ATP1A1: variants seen among roughly 807,000 people sequenced by gnomAD.
The protein encoded by ATP1A1 is ATPase Na+/K+ transporting subunit alpha 1, also known as sodium/potassium-transporting ATPase subunit alpha-1.
ATP1A1 carries 14 observed loss-of-function variants against 114.8 expected under a neutral mutation model. The ratio of observed to expected loss-of-function variants is 0.12; its 90% confidence interval spans 0.08 to 0.19. The LOEUF (loss-of-function observed/expected upper bound fraction) is 0.19, where lower values mean the gene tolerates loss of function less well. ATP1A1 is among the 10% of genes least tolerant of loss of function. ATP1A1 has a pLI of 1.00. For missense variants in ATP1A1, 524 were observed against 1,290.7 expected (o/e 0.41, Z 9.10); for synonymous variants, 471 against 466.3 (o/e 1.01, Z -0.13).
rs2101059337 is a variant in ATP1A1, at chr1:116,397,487, T to C, written c.1974-401T>C. ...GGCCCCAACCACCATGCCCGGCTAA[T>C]TTTTGAATTTTTAGACCACCATTTT... On this transcript the variant is annotated intron_variant, in intron 14 of 22. Transcript: ENST00000295598. This position sits in a 1 kb window ranked among gnomAD's most constrained non-coding sequence, Gnocchi z 4.2. Among the ~76,000 whole-genome samples the C allele has an allele frequency of 6.6e-6, 1 of 152,140 alleles. No homozygotes were observed. Among genetic ancestry groups the C allele is most frequent in the African/African-American group, 2.4e-5 (1 of 41,514 alleles).
At chr1:116,403,514 A>T (rs1478398211) in intron 21 of ATP1A1, among the ~76,000 whole-genome samples, 5 of 129,182 alleles carry the variant, frequency 3.9e-5, no homozygotes, top group Admixed American at 3.5e-4. Flanking sequence ...GATGGTCTTA[A>T]AAAGCTTCTT....
At chr1:116,373,605 A>G in intron 1 of ATP1A1, 82 bp downstream of exon 1, 1 of 1,279,730 alleles carries the variant, frequency 7.8e-7, no homozygotes, top group Non-Finnish European at 1.0e-6. Flanking sequence ...GACCGCGGCC[A>G]GCGGGAGGCG....
Position 116,388,117 on chromosome 1 carries a change from C to CT in ATP1A1, c.388-10dup. ...TGTAGAGCCACGGGCCCTAACTTGTCTTTTCCCTTCCAGCTGTACCTGGGT... is the reference window on the plus strand; with the variant it reads ...TGTAGAGCCACGGGCCCTAACTTGTCTTTTTCCCTTCCAGCTGTACCTGGGT... On this transcript the variant is annotated splice_polypyrimidine_tract_variant and intron_variant, in intron 4 of 22. Coordinates refer to ENST00000295598, the MANE Select transcript of ATP1A1 (RefSeq NM_000701.8). This position sits in a 1 kb window ranked among gnomAD's most constrained non-coding sequence, Gnocchi z 5.6. The CT allele has an allele frequency of 6.3e-7, 1 of 1,587,910 alleles. No individual in the cohort carries two copies. The highest frequency in any genetic ancestry group is 8.6e-7 in the Non-Finnish European group (1 of 1,160,716).
In ATP1A1 at chr1:116,388,456, T is replaced by C. The variant is rs958620074; in HGVS notation, c.502-182T>C. On this transcript the variant is annotated intron_variant, in intron 5 of 22. Coordinates refer to ENST00000295598, the MANE Select transcript of ATP1A1 (RefSeq NM_000701.8). The surrounding 1 kb of genome is among the most constrained non-coding windows in gnomAD (Gnocchi z 5.6). ...GTAAACTCTGAATACAGGCACACCA[T>C]GTAACAGCAATATCTCTTAAACTGG... 4.1e-6 allele frequency: 4 copies of C among 975,890 alleles called. No homozygotes were observed. The highest frequency in any genetic ancestry group is 2.9e-5 in the Admixed American group (1 of 34,680). 60.5% of individuals were successfully genotyped at this position (975,890 alleles called of 1,614,324 possible).
chr1:116,373,744 G>A (rs945574431), intron 1 of ATP1A1: 2 of 968,922 alleles, frequency 2.1e-6, no homozygotes, highest in African/African-American at 1.8e-5. Flanking sequence ...GGGCTGGAGC[G>A]CGGCATTGCT....
chr1:116,404,770 T>C lies in ATP1A1; in HGVS notation c.*326T>C. The C allele has an allele frequency of 6.3e-6, 7 of 1,117,444 alleles. No homozygotes were observed. The highest frequency in any genetic ancestry group is 7.6e-6 in the Non-Finnish European group (7 of 916,858). 69.2% of individuals were successfully genotyped at this position (1,117,444 alleles called of 1,614,324 possible). On this transcript the variant is annotated 3_prime_UTR_variant, in exon 23 of 23. Coordinates refer to ENST00000295598, the MANE Select transcript of ATP1A1 (RefSeq NM_000701.8). This position sits in a 1 kb window ranked among gnomAD's most constrained non-coding sequence, Gnocchi z 4.8. Reference sequence around the variant, plus strand: ...TTACAAATAAAGATGGCTATTATAATGGAATTTGTCTGTGCCCTCGTCGCT... The same window carrying C: ...TTACAAATAAAGATGGCTATTATAACGGAATTTGTCTGTGCCCTCGTCGCT...
At chr1:116,396,569 C>A (rs1445291500) in intron 13 of ATP1A1, 29 bp from the exon 14 acceptor site, 1 of 1,611,152 alleles carries the variant, frequency 6.2e-7, no homozygotes, top group Non-Finnish European at 8.5e-7. Context: ...TTGGCAGTTG[C>A]ATTCAACACA....
chr1:116,404,220 A>C lies in ATP1A1; in HGVS notation c.3044-196A>C, dbSNP rs1653781308. On this transcript the variant is annotated intron_variant, in intron 22 of 22. Transcript: ENST00000295598. This position sits in a 1 kb window ranked among gnomAD's most constrained non-coding sequence, Gnocchi z 4.8. ...GTATGATTTAGTGAAAACTTGTCAG[A>C]ATCTAAACCATCTTTCCAGGTAACT... Among the ~76,000 whole-genome samples the C allele has an allele frequency of 6.6e-6, 1 of 152,216 alleles. No homozygotes were observed. Among genetic ancestry groups the C allele is most frequent in the African/African-American group, 2.4e-5 (1 of 41,460 alleles).
chr1:116,391,524 G>A (rs1333036173), intron 10 of ATP1A1, among the ~76,000 whole-genome samples: 1 of 152,226 alleles, frequency 6.6e-6, no homozygotes, highest in South Asian at 2.1e-4. Context: ...ACAAAGTCCT[G>A]TAGGAGAAGA....
At position 116,387,626 on chromosome 1, in the gene ATP1A1, G is replaced by A. The variant is rs1652188645; in HGVS notation, c.387+135G>A. 5.8e-6 allele frequency: 6 copies of A among 1,026,246 alleles called. No individual in the cohort carries two copies. In the South Asian group the frequency reaches 9.9e-5, roughly 17 times the overall value. 63.6% of individuals were successfully genotyped at this position (1,026,246 alleles called of 1,614,324 possible). A position where few individuals can be genotyped will look rare whatever the true frequency, so the allele number is the denominator to read the frequency against. On this transcript the variant is annotated intron_variant, in intron 4 of 22. Coordinates refer to ENST00000295598, the MANE Select transcript of ATP1A1 (RefSeq NM_000701.8). This position sits in a 1 kb window ranked among gnomAD's most constrained non-coding sequence, Gnocchi z 6.7. Reference sequence around the variant, plus strand: ...CATTACTTAATGGTTATGAACAGCTGTTGCCTTCAAGGCTCATCCATTCTT... The same window carrying A: ...CATTACTTAATGGTTATGAACAGCTATTGCCTTCAAGGCTCATCCATTCTT...
rs752227783 is a variant in ATP1A1 at position 116,395,308 on chromosome 1, G to T, written c.1836+23G>T. On this transcript the variant is annotated intron_variant, in intron 13 of 22. Coordinates refer to ENST00000295598, the MANE Select transcript of ATP1A1 (RefSeq NM_000701.8). This position sits in a 1 kb window ranked among gnomAD's most constrained non-coding sequence, Gnocchi z 6.4. ...AAGGTAGTGCCCAGGCGCCTCCTTG[G>T]CTTCATCTCTTAGTGCCTTGGGACA... 1 of 1,611,498 alleles carries T rather than the reference G, an allele frequency of 6.2e-7. No homozygotes were observed. Among genetic ancestry groups the T allele is most frequent in the African/African-American group, 1.3e-5 (1 of 74,932 alleles).
chr1:116,401,662 T>A lies in ATP1A1; in HGVS notation c.2951+7T>A. 1 of 1,612,344 alleles carries A rather than the reference T, an allele frequency of 6.2e-7. No individual in the cohort carries two copies. The highest frequency in any genetic ancestry group is 8.5e-7 in the Non-Finnish European group (1 of 1,178,550). ...TTAGGATGTATCCCCTCAAGTAAGT[T>A]GATCCTCTGGTAGCTCCAAAAAGTA... On this transcript the variant is annotated splice_region_variant and intron_variant, in intron 21 of 22. Transcript: ENST00000295598. This position sits in a 1 kb window ranked among gnomAD's most constrained non-coding sequence, Gnocchi z 4.7.
intron 1 of ATP1A1, among the ~76,000 whole-genome samples, chr1:116,380,124 C>G (rs1016737340): frequency 4.6e-5 from 7 of 152,136 alleles, no homozygotes; most frequent in Non-Finnish European, 8.8e-5. Context: ...TATGAAAATG[C>G]CTTCTCTAGG....
At position 116,388,760 on chromosome 1, in the gene ATP1A1, A is replaced by T. The variant is rs2101044445; in HGVS notation, c.624A>T (p.Ala208=). The T allele has an allele frequency of 1.2e-6, 2 of 1,614,194 alleles. No homozygotes were observed. Among genetic ancestry groups the T allele is most frequent in the East Asian group, 4.5e-5 (2 of 44,884 alleles). ...RIPADLRIIS[A]NGCKVDNSSL... ...CTGCTGACCTCAGAATCATATCTGCAAATGGCTGCAAGGTAGCTCTTTTAT... is the reference window on the plus strand; with the variant it reads ...CTGCTGACCTCAGAATCATATCTGCTAATGGCTGCAAGGTAGCTCTTTTAT... The change falls in exon 6 of 23, where the codon GCA becomes GCT. Residue 208 remains alanine, a synonymous_variant. Coordinates refer to ENST00000295598, the MANE Select transcript of ATP1A1 (RefSeq NM_000701.8). The surrounding 1 kb of genome is among the most constrained non-coding windows in gnomAD (Gnocchi z 5.6).
chr1:116,391,600 A>T (rs1652477435), intron 10 of ATP1A1, among the ~76,000 whole-genome samples: 1 of 152,184 alleles, frequency 6.6e-6, no homozygotes, highest in South Asian at 2.1e-4. Flanking sequence ...TGTGGGTATA[A>T]ACTAAGTTGC....
chr1:116,374,736 A>C (rs1030147440), intron 1 of ATP1A1, among the ~76,000 whole-genome samples: 1 of 152,210 alleles, frequency 6.6e-6, no homozygotes, highest in Non-Finnish European at 1.5e-5. Flanking sequence ...ATGGGAGAGA[A>C]TCCACTTCGT....
At position 116,388,812 on chromosome 1, in the gene ATP1A1, C is replaced by T; in HGVS notation, c.636+40C>T. The T allele has an allele frequency of 6.2e-7, 1 of 1,612,902 alleles. No individual in the cohort carries two copies. Among genetic ancestry groups the T allele is most frequent in the Non-Finnish European group, 8.5e-7 (1 of 1,179,218 alleles). ...TTAACAAACCTCATAGCTAGCTCTG[C>T]TGTTCGGGCAGCTTGATTTGAGGGG... On this transcript the variant is annotated intron_variant, in intron 6 of 22. Transcript: ENST00000295598. The surrounding 1 kb of genome is among the most constrained non-coding windows in gnomAD (Gnocchi z 5.6).
At chr1:116,394,966 C>T in intron 12 of ATP1A1, 144 bp from the exon 13 acceptor site, 1 of 764,392 alleles carries the variant, frequency 1.3e-6, no homozygotes, top group South Asian at 2.2e-5. Flanking sequence ...AAATAAAACC[C>T]TCACTCTGTT....
At chr1:116,379,783 TAATG>T (rs1651621826) in intron 1 of ATP1A1, among the ~76,000 whole-genome samples, 1 of 152,236 alleles carries the variant, frequency 6.6e-6, no homozygotes, top group Admixed American at 6.5e-5. Context: ...GATGATTTAA[TAATG>T]TATCGACCAG....
Sources: gnomAD v4.1 joint callset for allele counts (sites outside exome capture counted in the v4.1 genomes callset) on GRCh38, gnomAD v4.1.1 for gene constraint, Gnocchi (gnomAD v3.1) non-coding constraint, MANE v1.5 for transcripts, NCBI Gene and HGNC (gene_info 2026-07-23, HGNC 2026-07-21) for gene names.